Variants in TGIF2 observed in about 807,000 individuals in gnomAD.
TGIF2 encodes the protein homeobox protein TGIF2.
A neutral mutation model predicts 15.1 loss-of-function variants in TGIF2; 5 were observed. The ratio of observed to expected loss-of-function variants is 0.33; its 90% CI spans 0.17 to 0.70. TGIF2 has a LOEUF of 0.70. TGIF2 is among the 30% of genes least tolerant of loss of function. The pLI, the probability that TGIF2 is intolerant of heterozygous loss-of-function variation, is 0.67. For synonymous variants in TGIF2, 131 were observed against 128.9 expected, an observed-to-expected ratio of 1.02 and a Z score of -0.11; for missense variants, 264 against 302.5, an observed-to-expected ratio of 0.87 and a Z score of 0.94.
In TGIF2 at chr20:36,593,515, G is replaced by A. The variant is rs958891289; in HGVS notation, c.*2084G>A. 6.6e-6 allele frequency: 1 copy of A among 152,584 alleles called. No individual in the cohort carries two copies. The highest frequency in any genetic ancestry group is 2.4e-5 in the African/African-American group (1 of 41,430). 9.5% of individuals were successfully genotyped at this position (152,584 alleles called of 1,614,324 possible). On this transcript the variant is annotated 3_prime_UTR_variant, in exon 3 of 3. Transcript: ENST00000373872. The stretch of plus-strand genomic sequence containing the variant: ...GTGCCCTCTCCCCGTGTGCCCCAGG[G>A]GGATCAGGGATCCTCACCCTCCTGA...
rs1384809824 is a variant in TGIF2 at position 36,593,352 on chromosome 20, A to T, written c.*1921A>T. The T allele has an allele frequency of 6.6e-6, 1 of 152,180 alleles. No homozygotes were observed. The highest frequency in any genetic ancestry group is 1.5e-5 in the Non-Finnish European group (1 of 68,050). The allele number at this position is 152,180 out of a possible 1,614,324, so 9.4% of individuals were successfully genotyped here. A position where few individuals can be genotyped will look rare whatever the true frequency, so the allele number is the denominator to read the frequency against. On this transcript the variant is annotated 3_prime_UTR_variant, in exon 3 of 3. Coordinates refer to ENST00000373872, the MANE Select transcript of TGIF2 (RefSeq NM_021809.7). The stretch of plus-strand genomic sequence containing the variant: ...GGGAAGATCCCTGAAGCCATCACAG[A>T]GGCTCCCCAACTTCTGAGTCGCCCA...
chr20:36,589,438 G>A (rs1343217248), intron 2 of TGIF2, among the ~76,000 whole-genome samples: 1 of 150,522 alleles, frequency 6.6e-6, no homozygotes, highest in East Asian at 1.9e-4. Flanking sequence ...TGTTACCCAC[G>A]CTGGAGTGCA....
chr20:36,589,067 T>C (rs1160405831), intron 2 of TGIF2, among the ~76,000 whole-genome samples: 1 of 152,222 alleles, frequency 6.6e-6, no homozygotes, highest in East Asian at 1.9e-4. Flanking sequence ...GTCTAGAACA[T>C]TCTTAGCTTT....
intron 1 of TGIF2, among the ~76,000 whole-genome samples, chr20:36,578,081 T>G (rs555429587): frequency 4.6e-5 from 7 of 152,242 alleles, no homozygotes; most frequent in African/African-American, 1.4e-4. Flanking sequence ...TTCTCCCTTA[T>G]TGGGGAATTG....
chr20:36,588,477 C>T (rs2038705892), intron 2 of TGIF2, among the ~76,000 whole-genome samples: 1 of 146,654 alleles, frequency 6.8e-6, no homozygotes, highest in Admixed American at 7.1e-5. Flanking sequence ...GCAGTTCTCT[C>T]AGCCTCCTGA....
intron 2 of TGIF2, among the ~76,000 whole-genome samples, chr20:36,582,315 A>T (rs1419802086): frequency 6.6e-6 from 1 of 152,186 alleles, no homozygotes; most frequent in Non-Finnish European, 1.5e-5. Context: ...TTTTTATCAT[A>T]TCACTTAGGT....
chr20:36,580,770 C>T (rs946109405), intron 2 of TGIF2, among the ~76,000 whole-genome samples: 2 of 139,246 alleles, frequency 1.4e-5, no homozygotes, highest in African/African-American at 5.4e-5. Context: ...GCTGTGATCG[C>T]ACCACTGCAC....
intron 2 of TGIF2, among the ~76,000 whole-genome samples, chr20:36,589,249 C>T (rs1049265341): frequency 6.6e-6 from 1 of 152,162 alleles, no homozygotes; most frequent in Non-Finnish European, 1.5e-5. Flanking sequence ...GCACTATAAG[C>T]TCCACAGGGT....
intron 2 of TGIF2, among the ~76,000 whole-genome samples, chr20:36,583,281 AC>A (rs1229623947): frequency 2.5e-4 from 38 of 149,858 alleles, no homozygotes; most frequent in African/African-American, 9.1e-4. Flanking sequence ...AAAAAAAAAA[AC>A]AAACAAACAA....
intron 2 of TGIF2, among the ~76,000 whole-genome samples, chr20:36,580,794 A>G (rs2038528653): frequency 7.7e-6 from 1 of 129,484 alleles, no homozygotes; most frequent in Admixed American, 9.0e-5. Context: ...AGACTGGGCG[A>G]AGGAGTGAGA....
In TGIF2 at chr20:36,591,799, C is replaced by T. The variant is rs1344463886; in HGVS notation, c.*368C>T. 7.0e-5 allele frequency: 13 copies of T among 186,030 alleles called. No homozygotes were observed. Among genetic ancestry groups the T allele is most frequent in the Non-Finnish European group, 1.2e-4 (11 of 89,092 alleles). 11.5% of individuals were successfully genotyped at this position (186,030 alleles called of 1,614,324 possible). A position where few individuals can be genotyped will look rare whatever the true frequency, so the allele number is the denominator to read the frequency against. On this transcript the variant is annotated 3_prime_UTR_variant, in exon 3 of 3. Transcript: ENST00000373872. The surrounding 1 kb of genome is among the most constrained non-coding windows in gnomAD (Gnocchi z 5.3). The stretch of plus-strand genomic sequence containing the variant: ...TCAGTCCTATGTTGGGTCCAAGCTG[C>T]CCCTGTGCTGTTTCTGTCAAGCCAG...
chr20:36,591,518 G>C lies in TGIF2; in HGVS notation c.*87G>C, dbSNP rs747573508. 7.2e-7 allele frequency: 1 copy of C among 1,393,674 alleles called. No homozygotes were observed. The highest frequency in any genetic ancestry group is 2.2e-5 in the Admixed American group (1 of 44,812). The allele number at this position is 1,393,674 out of a possible 1,614,324, so 86.3% of individuals were successfully genotyped here. On this transcript the variant is annotated 3_prime_UTR_variant, in exon 3 of 3. Transcript: ENST00000373872. This position sits in a 1 kb window ranked among gnomAD's most constrained non-coding sequence, Gnocchi z 5.3. ...CCTTTCATACAGAGGGTTTTCTATGGATCACTGCCAAACATTGGGATCATC... is the reference window on the plus strand; with the variant it reads ...CCTTTCATACAGAGGGTTTTCTATGCATCACTGCCAAACATTGGGATCATC...
At chr20:36,587,339 G>C (rs143392383) in intron 2 of TGIF2, among the ~76,000 whole-genome samples, 5 of 152,328 alleles carry the variant, frequency 3.3e-5, no homozygotes, top group Non-Finnish European at 4.4e-5. Flanking sequence ...AAAGTGGGAA[G>C]TGCCTTTAGG....
At chr20:36,579,502 A>G (rs1334608543) in intron 2 of TGIF2, among the ~76,000 whole-genome samples, 1 of 152,122 alleles carries the variant, frequency 6.6e-6, no homozygotes, top group Non-Finnish European at 1.5e-5. Flanking sequence ...GAGGCAAGGA[A>G]TTTAATGTTG....
Position 36,576,048 on chromosome 20 carries a change from C to T in TGIF2, c.-35+2303C>T, listed in dbSNP as rs1185769932. 4.6e-5 allele frequency among the ~76,000 whole-genome samples: 7 copies of T among 151,020 alleles called. No homozygotes were observed. In the East Asian group the frequency reaches 1.2e-3, roughly 25 times the overall value. On this transcript the variant is annotated intron_variant, in intron 1 of 2. Coordinates refer to ENST00000373872, the MANE Select transcript of TGIF2 (RefSeq NM_021809.7). ...TGGAGATTGCAGTGAGCCAAGATTG[C>T]GCCACTGCACTCCAGCCTAGGCTAC...
chr20:36,576,579 G>A (rs2038433632), intron 1 of TGIF2, among the ~76,000 whole-genome samples: 1 of 152,022 alleles, frequency 6.6e-6, no homozygotes, highest in Non-Finnish European at 1.5e-5. Context: ...CTAACCTGGG[G>A]GTGGGATTTT....
intron 2 of TGIF2, 25 bp downstream of exon 2, chr20:36,578,991 G>GGTGGCAGGAGGACCTGGGTTCTA: frequency 6.2e-7 from 1 of 1,604,354 alleles, no homozygotes; most frequent in African/African-American, 1.3e-5. Flanking sequence ...TGGATAAGGG[G>GGTGGCAGGAGGACCTGGGTTCTA]GTGGCAGGAG....
chr20:36,578,676 T>A, intron 1 of TGIF2, 65 bp from the exon 2 acceptor site: 1 of 1,481,210 alleles, frequency 6.8e-7, no homozygotes, highest in Non-Finnish European at 9.0e-7. Context: ...GCTGAGCATG[T>A]TTGGAGACTA....
At chr20:36,581,324 C>T (rs1270573430) in intron 2 of TGIF2, among the ~76,000 whole-genome samples, 1 of 152,170 alleles carries the variant, frequency 6.6e-6, no homozygotes, top group Non-Finnish European at 1.5e-5. Flanking sequence ...TTCTTACCCT[C>T]GAGGAGTGTC....
Sources: allele counts gnomAD v4.1 joint callset (sites outside exome capture counted in the v4.1 genomes callset), GRCh38; gene constraint gnomAD v4.1.1; non-coding constraint Gnocchi (gnomAD v3.1); transcripts MANE v1.5; gene names NCBI Gene and HGNC (gene_info 2026-07-23, HGNC 2026-07-21).